NBAS: variants seen among roughly 807,000 people sequenced by gnomAD.
NBAS encodes NAG/BC035112 fusion.
A neutral mutation model predicts 302.5 loss-of-function variants in NBAS; 219 were observed. That is an observed-to-expected ratio of 0.72 (90% confidence interval 0.65 to 0.81). NBAS has a LOEUF of 0.81. NBAS is among the 30% of genes least tolerant of loss of function. The probability of loss-of-function intolerance (pLI) is 0.00; values close to 1 mark genes in which losing one functional copy is unlikely to be tolerated. For synonymous variants in NBAS, 1,118 were observed against 1,021.6 expected (o/e 1.09, Z -1.80); for missense variants, 2,932 against 2,841.6 (o/e 1.03, Z -0.72).
chr2:14,982,291 C>T, the NBAS span, among the ~76,000 whole-genome samples: 5 of 152,288 alleles, frequency 3.3e-5, no homozygotes, highest in South Asian at 4.1e-4. Flanking sequence ...CGTGCCAGCA[C>T]CCCAAGTCAC....
At chr2:15,286,919 T>C (rs185973025) in intron 42 of NBAS, among the ~76,000 whole-genome samples, 154 bp downstream of exon 42, 3 of 152,276 alleles carry the variant, frequency 2.0e-5, no homozygotes, top group Admixed American at 1.3e-4. Context: ...TAAAGGTGTA[T>C]CAAAGATGTA....
chr2:15,071,336 C>T, the NBAS span, among the ~76,000 whole-genome samples: 4 of 152,110 alleles, frequency 2.6e-5, no homozygotes, highest in Non-Finnish European at 4.4e-5. Flanking sequence ...AAAGCCCCAC[C>T]ACAAAGGGGC....
intron 11 of NBAS, among the ~76,000 whole-genome samples, chr2:15,502,308 T>C (rs542176786): frequency 2.6e-4 from 40 of 152,336 alleles, no homozygotes; most frequent in African/African-American, 8.9e-4. Context: ...TAAGAAATTA[T>C]TAGATAAGCC....
chr2:15,085,758 G>C, the NBAS span, among the ~76,000 whole-genome samples: 1 of 152,194 alleles, frequency 6.6e-6, no homozygotes, highest in East Asian at 1.9e-4. Context: ...TCTCCCCACT[G>C]TGGGCACCAG....
At chr2:15,129,464 C>T in the NBAS span, among the ~76,000 whole-genome samples, 142 of 152,280 alleles carry the variant, frequency 9.3e-4, 3 homozygotes, top group East Asian at 0.019. Context: ...CTCGATGCCC[C>T]GCCTCCCTTA....
chr2:15,417,507 G>A lies in NBAS; in HGVS notation c.2763+20C>T, dbSNP rs745610080. The A allele has an allele frequency of 2.5e-6, 4 of 1,591,034 alleles. No homozygotes were observed. Among genetic ancestry groups the A allele is most frequent in the Non-Finnish European group, 3.4e-6 (4 of 1,160,428 alleles). On this transcript the variant is annotated intron_variant, in intron 24 of 51. Coordinates refer to ENST00000281513, the MANE Select transcript of NBAS (RefSeq NM_015909.4). ...AAAATGCTTTAAAATATTTAAAAAG[G>A]AAGTTAAAATAAAACCTACACTATT...
intron 44 of NBAS, among the ~76,000 whole-genome samples, chr2:15,244,679 T>G (rs1558469690): frequency 6.6e-6 from 1 of 152,164 alleles, no homozygotes; most frequent in Non-Finnish European, 1.5e-5. Flanking sequence ...CAGCTGGACC[T>G]GATGCGCAGC....
intron 25 of NBAS, among the ~76,000 whole-genome samples, chr2:15,406,112 A>AC (rs1162080776): frequency 1.3e-5 from 2 of 150,218 alleles, no homozygotes; most frequent in Non-Finnish European, 3.0e-5. Flanking sequence ...GTAAAAAAAA[A>AC]AAACAAAACA....
chr2:15,550,132 C>T lies in NBAS; in HGVS notation c.379+1361G>A, dbSNP rs187370634. On this transcript the variant is annotated intron_variant, in intron 6 of 51. Coordinates refer to ENST00000281513, the MANE Select transcript of NBAS (RefSeq NM_015909.4). ...AAACCATGATCACACCACTGCACTC[C>T]GGCCTGGCAACAGAGTGAGGCCCTA... Among the ~76,000 whole-genome samples the T allele has an allele frequency of 9.8e-4, 149 of 152,194 alleles. 1 individual carries two copies. Among genetic ancestry groups the T allele is most frequent in the African/African-American group, 3.5e-3 (145 of 41,508 alleles).
the NBAS span, among the ~76,000 whole-genome samples, chr2:14,808,556 G>A: frequency 2.0e-5 from 3 of 152,190 alleles, no homozygotes; most frequent in Non-Finnish European, 4.4e-5. Context: ...TGCCATTGAT[G>A]TAAGACGTGA....
At chr2:15,549,499 C>T (rs80318664) in intron 6 of NBAS, among the ~76,000 whole-genome samples, 1 of 151,890 alleles carries the variant, frequency 6.6e-6, no homozygotes, top group African/African-American at 2.4e-5. Context: ...GAGGCCAAGG[C>T]GGGAGGATCA....
chr2:14,824,026 G>C, the NBAS span, among the ~76,000 whole-genome samples: 1 of 152,180 alleles, frequency 6.6e-6, no homozygotes, highest in South Asian at 2.1e-4. Flanking sequence ...AGAAGGGCAG[G>C]AGAAAAGGCC....
rs2148689196 is a variant in NBAS at position 15,539,228 on chromosome 2, A to G, written c.508T>C (p.Ser170Pro). Residue 170 changes from serine to proline, a missense_variant, in exon 7 of 52, where the codon TCC becomes CCC. Ser to Pro is a moderately conservative substitution (Grantham distance 74). Transcript: ENST00000281513. The part of the protein sequence containing the change: ...DLMGSELFVI[S>P]PASSFIGDLS... The stretch of plus-strand genomic sequence containing the variant: ...AATTTAAGCTATGTACATACCGGGG[A>G]AATGACAAAGAGTTCACTTCCCATG... 6.2e-7 allele frequency: 1 copy of G among 1,614,192 alleles called. No homozygotes were observed. Among genetic ancestry groups the G allele is most frequent in the Non-Finnish European group, 8.5e-7 (1 of 1,180,018 alleles).
chr2:15,416,364 C>A (rs1676932713), intron 24 of NBAS, among the ~76,000 whole-genome samples: 1 of 152,158 alleles, frequency 6.6e-6, no homozygotes, highest in South Asian at 2.1e-4. Flanking sequence ...TAAAATTACA[C>A]AATCGTTTCT....
Position 15,475,671 on chromosome 2 carries a change from C to G in NBAS, c.1341+16G>C. 1 of 1,612,972 alleles carries G rather than the reference C, an allele frequency of 6.2e-7. No individual in the cohort carries two copies. The highest frequency in any genetic ancestry group is 1.1e-5 in the South Asian group (1 of 91,030). ...AAATACATAACTATTCTCAAACAAACAGGAAAAAGCCTTACCTCCAAACTT... is the reference window on the plus strand; with the variant it reads ...AAATACATAACTATTCTCAAACAAAGAGGAAAAAGCCTTACCTCCAAACTT... On this transcript the variant is annotated intron_variant, in intron 14 of 51. Coordinates refer to ENST00000281513, the MANE Select transcript of NBAS (RefSeq NM_015909.4).
At chr2:15,039,706 C>T in the NBAS span, among the ~76,000 whole-genome samples, 4 of 152,186 alleles carry the variant, frequency 2.6e-5, no homozygotes, top group South Asian at 2.1e-4. Flanking sequence ...AGTTCCCTCC[C>T]TGAGGCTGTG....
intron 45 of NBAS, among the ~76,000 whole-genome samples, chr2:15,235,159 G>A (rs1667537722): frequency 6.6e-6 from 1 of 152,152 alleles, no homozygotes; most frequent in South Asian, 2.1e-4. Context: ...AATCTATTGA[G>A]CTATAACTAT....
the NBAS span, among the ~76,000 whole-genome samples, chr2:15,112,804 C>A: frequency 4.4e-4 from 48 of 108,586 alleles, no homozygotes; most frequent in African/African-American, 1.6e-3. Flanking sequence ...CTTTCACATA[C>A]AATAACTCAA....
At chr2:15,281,477 G>A (rs1021292264) in intron 42 of NBAS, among the ~76,000 whole-genome samples, 96 of 152,270 alleles carry the variant, frequency 6.3e-4, no homozygotes, top group African/African-American at 2.2e-3. Context: ...GCAATGTTAG[G>A]TTGCCAGGGC....
Sources: gnomAD v4.1 joint callset for allele counts (sites outside exome capture counted in the v4.1 genomes callset) on GRCh38, gnomAD v4.1.1 for gene constraint, MANE v1.5 for transcripts, NCBI Gene and HGNC (gene_info 2026-07-23, HGNC 2026-07-21) for gene names.